The following CA3 variants were observed in gnomAD, a reference collection of about 807,000 sequenced individuals.
CA3 encodes CA-III.
CA3 carries 30 observed loss-of-function variants against 35.7 expected under a neutral mutation model. The observed-to-expected ratio is 0.84, with a 90% CI of 0.63 to 1.14. The LOEUF is 1.14. CA3 is among the 50% of genes most tolerant of loss of function. CA3 has a pLI of 0.00. For missense variants in CA3, 295 were observed against 328.5 expected (o/e 0.90, Z 0.79); for synonymous variants, 131 against 130.8 (o/e 1.00, Z -0.01).
chr8:85,440,869 TCTC>T (rs1279357264), intron 2 of CA3, among the ~76,000 whole-genome samples: 4 of 152,164 alleles, frequency 2.6e-5, no homozygotes, highest in Non-Finnish European at 5.9e-5. Context: ...TTTTTCCCCT[TCTC>T]CTTATATATC....
In CA3 at chr8:85,443,002, A is replaced by G. The variant is rs1022915880; in HGVS notation, c.351+811A>G. ...CAGTGCCCTATACTGCCTATTTTAT[A>G]AGAATATAGTGCTCTAAAAATAGCA... On this transcript the variant is annotated intron_variant, in intron 3 of 6. Transcript: ENST00000285381. Among the ~76,000 whole-genome samples the G allele has an allele frequency of 5.3e-5, 8 of 152,186 alleles. No individual in the cohort carries two copies. In the East Asian group the frequency reaches 1.5e-3, roughly 29 times the overall value.
In CA3 at chr8:85,444,046, C is replaced by A; in HGVS notation, c.364C>A (p.His122Asn). The A allele has an allele frequency of 6.2e-7, 1 of 1,610,906 alleles. No individual in the cohort carries two copies. The highest frequency in any genetic ancestry group is 8.5e-7 in the Non-Finnish European group (1 of 1,177,072). Reference sequence around the variant, plus strand: ...TCTATGGTTTCAGCTTCATTTGGTTCACTGGAACCCGAAGTATAACACTTT... The same window carrying A: ...TCTATGGTTTCAGCTTCATTTGGTTAACTGGAACCCGAAGTATAACACTTT... ...VKYAAELHLV[H>N]WNPKYNTFKE... Residue 122 changes from histidine to asparagine, a missense_variant, in exon 4 of 7, where the codon CAC becomes AAC. Coordinates refer to ENST00000285381, the MANE Select transcript of CA3 (RefSeq NM_005181.4).
In CA3 at chr8:85,448,523, A is replaced by C. The variant is rs2130513785; in HGVS notation, c.*370A>C. The stretch of plus-strand genomic sequence containing the variant: ...AATTTCACACAACTTCATTGTTTTT[A>C]TTTTTATATTATGAGTTGTCCATCT... On this transcript the variant is annotated 3_prime_UTR_variant, in exon 7 of 7. Coordinates refer to ENST00000285381, the MANE Select transcript of CA3 (RefSeq NM_005181.4). 6.3e-6 allele frequency: 1 copy of C among 158,778 alleles called. No homozygotes were observed. Among genetic ancestry groups the C allele is most frequent in the South Asian group, 1.9e-4 (1 of 5,196 alleles). The allele number at this position is 158,778 out of a possible 1,614,324, so 9.8% of individuals were successfully genotyped here. A position where few individuals can be genotyped will look rare whatever the true frequency, so the allele number is the denominator to read the frequency against.
chr8:85,447,708 G>T (rs1411986652), intron 6 of CA3, among the ~76,000 whole-genome samples: 1 of 152,146 alleles, frequency 6.6e-6, no homozygotes, highest in Non-Finnish European at 1.5e-5. Context: ...GACCAGCCTG[G>T]CCAACATGGT....
At chr8:85,447,695 C>T (rs28489491) in intron 6 of CA3, among the ~76,000 whole-genome samples, 16,327 of 152,124 alleles carry the variant, frequency 0.11, 1,241 homozygotes, top group Middle Eastern at 0.18. Flanking sequence ...GTCAGGAGTT[C>T]GAGACCAGCC....
Position 85,439,794 on chromosome 8 carries a change from G to A in CA3, c.117G>A (p.Arg39=). The A allele has an allele frequency of 6.2e-7, 1 of 1,613,950 alleles. No homozygotes were observed. The highest frequency in any genetic ancestry group is 8.5e-7 in the Non-Finnish European group (1 of 1,179,924). Reference sequence around the variant, plus strand: ...TTGAGCTGCATACTAAAGACATCAGGCATGACCCTTCTCTGCAGCCATGGT... The same window carrying A: ...TTGAGCTGCATACTAAAGACATCAGACATGACCCTTCTCTGCAGCCATGGT... ...SPVELHTKDI[R]HDPSLQPWSV... Residue 39 remains arginine, a synonymous_variant, in exon 2 of 7, where the codon AGG becomes AGA. Coordinates refer to ENST00000285381, the MANE Select transcript of CA3 (RefSeq NM_005181.4).
chr8:85,439,444 T>TA (rs540873874), intron 1 of CA3, among the ~76,000 whole-genome samples: 41 of 151,462 alleles, frequency 2.7e-4, no homozygotes, highest in South Asian at 2.5e-3. Context: ...TGTCATTGGT[T>TA]AAAAAAAAAT....
intron 2 of CA3, 45 bp downstream of exon 2, chr8:85,439,954 C>T (rs1347032229): frequency 6.8e-7 from 1 of 1,470,970 alleles, no homozygotes; most frequent in African/African-American, 1.4e-5. Flanking sequence ...TTTTCAAGGT[C>T]CATATTGACA....
intron 6 of CA3, among the ~76,000 whole-genome samples, chr8:85,446,757 T>G (rs912325876): frequency 6.6e-6 from 1 of 152,248 alleles, no homozygotes; most frequent in Admixed American, 6.5e-5. Flanking sequence ...TTCAGTAATT[T>G]GTCCATGATC....
At chr8:85,446,106 A>C (rs1326681460) in intron 5 of CA3, 36 bp from the exon 6 acceptor site, 1 of 1,564,390 alleles carries the variant, frequency 6.4e-7, no homozygotes, top group Non-Finnish European at 8.7e-7. Flanking sequence ...ATGTGCATGC[A>C]TGCACTCACT....
At chr8:85,443,135 CGT>C (rs930241809) in intron 3 of CA3, among the ~76,000 whole-genome samples, 1 of 152,228 alleles carries the variant, frequency 6.6e-6, no homozygotes, top group East Asian at 1.9e-4. Flanking sequence ...TTTACACACA[CGT>C]AGAGATATGT....
rs1358439667 is a variant in CA3, at chr8:85,444,037, C to T, written c.355C>T (p.His119Tyr). 1 of 1,606,072 alleles carries T rather than the reference C, an allele frequency of 6.2e-7. No homozygotes were observed. Among genetic ancestry groups the T allele is most frequent in the Non-Finnish European group, 8.5e-7 (1 of 1,172,750 alleles). Reference sequence around the variant, plus strand: ...AATCTGTCTTCTATGGTTTCAGCTTCATTTGGTTCACTGGAACCCGAAGTA... The same window carrying T: ...AATCTGTCTTCTATGGTTTCAGCTTTATTTGGTTCACTGGAACCCGAAGTA... ...VDGVKYAAELHLVHWNPKYNT... is the reference protein window; with the variant it reads ...VDGVKYAAELYLVHWNPKYNT... The change falls in exon 4 of 7, where the codon CAT becomes TAT. Residue 119 changes from histidine to tyrosine, a missense_variant. By Grantham distance (83) the His-to-Tyr change is moderately conservative. Transcript: ENST00000285381.
rs558638056 is a variant in CA3, at chr8:85,445,078, G to T, written c.445-78G>T. The T allele has an allele frequency of 7.8e-5, 70 of 900,222 alleles. No homozygotes were observed. The African/African-American group carries it at 8.4e-4, about 11-fold the overall frequency. The allele number at this position is 900,222 out of a possible 1,614,324, so 55.8% of individuals were successfully genotyped here. ...TATAAACACTAGTTGCAGATGGATG[G>T]ATCAAAATCAGCTTTGAAGACAATC... On this transcript the variant is annotated intron_variant, in intron 4 of 6. Transcript: ENST00000285381.
Position 85,445,172 on chromosome 8 carries a change from G to C in CA3, c.461G>C (p.Gly154Ala), listed in dbSNP as rs113907004. 2.7e-4 allele frequency: 434 copies of C among 1,606,904 alleles called. 5 individuals are homozygous for C. The African/African-American group carries it at 4.1e-3, about 15-fold the overall frequency. ...GIFLKIGHEN[G>A]EFQIFLDALD... ...TTCTTACAGATAGGACATGAGAATG[G>C]CGAGTTCCAGATTTTCCTTGATGCA... Residue 154 changes from glycine (G) to alanine (A), a missense_variant, in exon 5 of 7, where the codon GGC (glycine) becomes GCC (alanine). Coordinates refer to ENST00000285381, the MANE Select transcript of CA3 (RefSeq NM_005181.4).
At chr8:85,443,545 A>ATT (rs949341384) in intron 3 of CA3, among the ~76,000 whole-genome samples, 1 of 152,208 alleles carries the variant, frequency 6.6e-6, no homozygotes, top group African/African-American at 2.4e-5. Flanking sequence ...GGCAAGATAA[A>ATT]TTAAGTATTG....
In CA3 at chr8:85,448,304, ACTT is replaced by A. The variant is rs1238719572; in HGVS notation, c.*152_*154del. The stretch of plus-strand genomic sequence containing the variant: ...AGATGTGGTCACCAAGATCTAAGTT[ACTT>A]GTTGAAAGAAAGTTACTTTCGACAA... On this transcript the variant is annotated 3_prime_UTR_variant, in exon 7 of 7. Coordinates refer to ENST00000285381, the MANE Select transcript of CA3 (RefSeq NM_005181.4). The A allele has an allele frequency of 2.9e-6, 2 of 678,876 alleles. No individual in the cohort carries two copies. The highest frequency in any genetic ancestry group is 3.7e-5 in the African/African-American group (2 of 54,714). 42.1% of individuals were successfully genotyped at this position (678,876 alleles called of 1,614,324 possible). A position where few individuals can be genotyped will look rare whatever the true frequency, so the allele number is the denominator to read the frequency against.
chr8:85,442,634 G>T (rs925231346), intron 3 of CA3, among the ~76,000 whole-genome samples: 9 of 152,098 alleles, frequency 5.9e-5, no homozygotes, highest in African/African-American at 2.2e-4. Flanking sequence ...GATCACTTGA[G>T]CCTGGGAGGT....
intron 2 of CA3, among the ~76,000 whole-genome samples, chr8:85,441,069 A>ATT (rs779217158): frequency 2.0e-5 from 3 of 152,218 alleles, no homozygotes; most frequent in Non-Finnish European, 4.4e-5. Context: ...AATGCAATGA[A>ATT]TTGAACCACT....
Position 85,445,216 on chromosome 8 carries a change from A to T in CA3, c.505A>T (p.Lys169Ter). 1 of 1,588,290 alleles carries T rather than the reference A, an allele frequency of 6.3e-7. No individual in the cohort carries two copies. Among genetic ancestry groups the T allele is most frequent in the South Asian group, 1.1e-5 (1 of 88,500 alleles). Residue 169 changes from lysine (K) to a stop codon, truncating the protein, a stop_gained and splice_region_variant, in exon 5 of 7, where the codon AAG becomes TAG. Transcript: ENST00000285381. LOFTEE classifies it high-confidence loss of function. Reference sequence around the variant, plus strand: ...TGATGCATTGGACAAGATTAAGACAAAGGTAAACAAAAATCATTTTCCCTC... The same window carrying T: ...TGATGCATTGGACAAGATTAAGACATAGGTAAACAAAAATCATTTTCCCTC... Reference protein sequence around the residue: ...FLDALDKIKTKGKEAPFTKFD... With the variant: ...FLDALDKIKT
Sources: allele counts gnomAD v4.1 joint callset (sites outside exome capture counted in the v4.1 genomes callset), GRCh38; gene constraint gnomAD v4.1.1; transcripts MANE v1.5; gene names NCBI Gene and HGNC (gene_info 2026-07-23, HGNC 2026-07-21).